UNC5D: variants seen among roughly 807,000 people sequenced by gnomAD.
UNC5D encodes netrin receptor UNC5D.
Under a neutral mutation model 105.4 loss-of-function variants are expected in UNC5D, and 39 were observed. That is an observed-to-expected ratio of 0.37 (90% CI 0.29 to 0.48). The LOEUF (loss-of-function observed/expected upper bound fraction) is 0.48. Ranked by LOEUF, UNC5D falls within the 20% of genes least tolerant of loss-of-function variation. The probability of loss-of-function intolerance (pLI) is 0.98; values close to 1 mark genes in which losing one functional copy is unlikely to be tolerated. For synonymous variants in UNC5D, 452 were observed against 450.4 expected (o/e 1.00, Z -0.04); for missense variants, 991 against 1,202.4 (o/e 0.82, Z 2.60).
At chr8:35,708,495 ATGT>A (rs1345468629) in intron 8 of UNC5D, among the ~76,000 whole-genome samples, 16 of 152,344 alleles carry the variant, frequency 1.1e-4, no homozygotes, top group Admixed American at 5.2e-4. Context: ...CTTTCAATAA[ATGT>A]TGTGTAACAA....
chr8:35,757,363 C>T (rs1830561857), intron 13 of UNC5D, among the ~76,000 whole-genome samples: 1 of 152,110 alleles, frequency 6.6e-6, no homozygotes, highest in Admixed American at 6.6e-5. Context: ...AGCCTTCCAT[C>T]CCAGCTCCGT....
At chr8:35,345,315 A>G (rs1177323562) in intron 1 of UNC5D, among the ~76,000 whole-genome samples, 1 of 152,006 alleles carries the variant, frequency 6.6e-6, no homozygotes, top group Non-Finnish European at 1.5e-5. Flanking sequence ...CAGAGAAAAT[A>G]ACACAAAATA....
At chr8:35,573,235 C>T (rs1817870337) in intron 3 of UNC5D, among the ~76,000 whole-genome samples, 1 of 152,184 alleles carries the variant, frequency 6.6e-6, no homozygotes, top group Admixed American at 6.5e-5. Flanking sequence ...TTTAACCATT[C>T]ACCCAAATTC....
intron 1 of UNC5D, among the ~76,000 whole-genome samples, chr8:35,238,187 T>C (rs556456556): frequency 1.3e-3 from 196 of 152,300 alleles, no homozygotes; most frequent in African/African-American, 4.2e-3. Flanking sequence ...TTCAGTAGCG[T>C]TTTCTTTACC....
At chr8:35,422,471 G>T (rs1805981460) in intron 1 of UNC5D, among the ~76,000 whole-genome samples, 1 of 152,206 alleles carries the variant, frequency 6.6e-6, no homozygotes, top group Non-Finnish European at 1.5e-5. Flanking sequence ...GTCATACCTA[G>T]TAGGAGACCA....
At chr8:35,690,486 A>T (rs151139934) in intron 7 of UNC5D, among the ~76,000 whole-genome samples, 1,550 of 152,284 alleles carry the variant, frequency 0.01, 17 homozygotes, top group Middle Eastern at 0.027. Context: ...AATTAAAAAA[A>T]TATAAGCCAG....
intron 4 of UNC5D, among the ~76,000 whole-genome samples, chr8:35,626,836 CT>C (rs1201892757): frequency 4.7e-5 from 7 of 150,124 alleles, no homozygotes; most frequent in South Asian, 2.1e-4. Context: ...CTTGCTGATA[CT>C]TTTTTTTTTC....
At chr8:35,237,723 G>A (rs545239565) in intron 1 of UNC5D, among the ~76,000 whole-genome samples, 1 of 152,270 alleles carries the variant, frequency 6.6e-6, no homozygotes, top group South Asian at 2.1e-4. Context: ...CACATGGAGT[G>A]GAGCCGTAAA....
intron 1 of UNC5D, among the ~76,000 whole-genome samples, chr8:35,253,574 C>T (rs1202104655): frequency 1.3e-5 from 2 of 150,424 alleles, no homozygotes; most frequent in Admixed American, 6.6e-5. Flanking sequence ...GCAACCTCCA[C>T]CTCCTGGGTT....
intron 7 of UNC5D, among the ~76,000 whole-genome samples, chr8:35,699,443 G>A (rs538341878): frequency 6.6e-6 from 1 of 152,228 alleles, no homozygotes; most frequent in South Asian, 2.1e-4. Context: ...TGCATAGTTA[G>A]AAGATGTCAA....
At chr8:35,489,555 A>T (rs1468567144) in intron 1 of UNC5D, among the ~76,000 whole-genome samples, 1 of 152,202 alleles carries the variant, frequency 6.6e-6, no homozygotes, top group East Asian at 1.9e-4. Flanking sequence ...GGAAAAGCCA[A>T]GTGAGGACAC....
In UNC5D at chr8:35,714,526, T is replaced by C. The variant is rs370395380; in HGVS notation, c.1118-7684T>C. On this transcript the variant is annotated intron_variant, in intron 8 of 16. Transcript: ENST00000404895. ...AGAGAGAGGAAAAAGGGCCAAGAAC[T>C]GAACTTTAAAGCCTGCCTATTTAGA... Among the ~76,000 whole-genome samples the C allele has an allele frequency of 5.3e-5, 8 of 152,188 alleles. No homozygotes were observed. The East Asian group carries it at 1.5e-3, about 29-fold the overall frequency.
intron 1 of UNC5D, among the ~76,000 whole-genome samples, chr8:35,429,803 GA>G (rs1271149289): frequency 6.6e-6 from 1 of 152,070 alleles, no homozygotes; most frequent in African/African-American, 2.4e-5. Flanking sequence ...CCCAGCCCAT[GA>G]CGACCAATGA....
At chr8:35,253,473 CTTT>C (rs58063448) in intron 1 of UNC5D, among the ~76,000 whole-genome samples, 636 of 99,786 alleles carry the variant, frequency 6.4e-3, no homozygotes, top group African/African-American at 0.02. Context: ...ATTTTATTTC[CTTT>C]TTTTTTTTTT....
intron 4 of UNC5D, among the ~76,000 whole-genome samples, chr8:35,674,771 G>A (rs1159807619): frequency 6.6e-6 from 1 of 152,132 alleles, no homozygotes; most frequent in East Asian, 1.9e-4. Context: ...TCATGTCCTT[G>A]GGTGCTGTCT....
At chr8:35,384,426 T>C (rs1257718320) in intron 1 of UNC5D, among the ~76,000 whole-genome samples, 1 of 152,148 alleles carries the variant, frequency 6.6e-6, no homozygotes, top group Non-Finnish European at 1.5e-5. Context: ...TGTTGCAGTA[T>C]CTCTCCTCTC....
chr8:35,536,824 C>T (rs1165159376), intron 1 of UNC5D, among the ~76,000 whole-genome samples: 14 of 151,954 alleles, frequency 9.2e-5, no homozygotes, highest in African/African-American at 3.1e-4. Context: ...GGTGAAACCC[C>T]GTCTCTAATA....
At position 35,455,291 on chromosome 8, in the gene UNC5D, T is replaced by C. The variant is rs1371983390; in HGVS notation, c.104-94001T>C. 3.9e-5 allele frequency among the ~76,000 whole-genome samples: 6 copies of C among 152,046 alleles called. No individual in the cohort carries two copies. The East Asian group carries it at 1.2e-3, about 29-fold the overall frequency. On this transcript the variant is annotated intron_variant, in intron 1 of 16. Coordinates refer to ENST00000404895, the MANE Select transcript of UNC5D (RefSeq NM_080872.4). Reference sequence around the variant, plus strand: ...AGCTAGGAATGGATACTTTTTTTTTTTTTTTGAGACTGAGTGTCATTCTGT... The same window carrying C: ...AGCTAGGAATGGATACTTTTTTTTTCTTTTTGAGACTGAGTGTCATTCTGT...
chr8:35,628,953 C>G (rs1457939267), intron 4 of UNC5D, among the ~76,000 whole-genome samples: 1 of 152,096 alleles, frequency 6.6e-6, no homozygotes, highest in Non-Finnish European at 1.5e-5. Flanking sequence ...AAATCAATCT[C>G]AAAATGAAAA....
Sources: gnomAD v4.1 joint callset for allele counts (sites outside exome capture counted in the v4.1 genomes callset) on GRCh38, gnomAD v4.1.1 for gene constraint, MANE v1.5 for transcripts, NCBI Gene and HGNC (gene_info 2026-07-23, HGNC 2026-07-21) for gene names.